BLMH: variants seen among roughly 807,000 people sequenced by gnomAD.
BLMH encodes BLM hydrolase.
Under a neutral mutation model 61.6 loss-of-function variants are expected in BLMH, and 32 were observed. That is an observed-to-expected ratio of 0.52 (90% CI 0.39 to 0.70). The LOEUF (loss-of-function observed/expected upper bound fraction) is 0.70. BLMH is among the 30% of genes least tolerant of loss of function. The pLI, the probability that BLMH is intolerant of heterozygous loss-of-function variation, is 0.00. For synonymous variants in BLMH, 183 were observed against 193.8 expected (o/e 0.94, Z 0.46); for missense variants, 460 against 555.5 (o/e 0.83, Z 1.73).
At chr17:30,273,131 G>T in intron 7 of BLMH, 14 of 421,830 alleles carry the variant, frequency 3.3e-5, no homozygotes, top group South Asian at 1.8e-4. Context: ...GCATCTACCT[G>T]TTTTTCCTAC....
At chr17:30,272,093 A>C (rs970697053) in intron 9 of BLMH, among the ~76,000 whole-genome samples, 4 of 152,366 alleles carry the variant, frequency 2.6e-5, no homozygotes, top group Admixed American at 1.3e-4. Flanking sequence ...TATATGATTT[A>C]GTTTACAAAT....
rs748141183 is a variant in BLMH, at chr17:30,272,615, C to A, written c.974G>T (p.Gly325Val). 1 of 1,614,042 alleles carries A rather than the reference C, an allele frequency of 6.2e-7. No homozygotes were observed. The highest frequency in any genetic ancestry group is 1.3e-5 in the African/African-American group (1 of 74,900). The change falls in exon 9 of 12, where the codon GGC becomes GTC. Residue 325 changes from glycine to valine, a missense_variant. Transcript: ENST00000261714. ...SIKDGEAVWF[G>V]CDVGKHFNSK... ...ATTGAAGTGTTTTCCAACATCACAG[C>A]CAAACCACACAGCCTAGAAACAGAA...
chr17:30,291,622 G>C (rs558596184), intron 1 of BLMH, 114 bp from the exon 2 acceptor site: 1 of 1,442,016 alleles, frequency 6.9e-7, no homozygotes, highest in South Asian at 1.3e-5. Flanking sequence ...CCGCTGCAGC[G>C]GGGAAACCCA....
At chr17:30,269,705 C>T (rs896203592) in intron 10 of BLMH, among the ~76,000 whole-genome samples, 7 of 152,020 alleles carry the variant, frequency 4.6e-5, no homozygotes, top group South Asian at 2.1e-4. Flanking sequence ...AGATTACTGA[C>T]GAATGGAATA....
intron 11 of BLMH, among the ~76,000 whole-genome samples, chr17:30,262,811 A>C (rs1333348330): frequency 1.3e-5 from 2 of 152,134 alleles, no homozygotes; most frequent in African/African-American, 4.8e-5. Flanking sequence ...GCAAAAACAA[A>C]ACAAAACAAA....
At chr17:30,269,122 A>G (rs1043643811) in intron 10 of BLMH, among the ~76,000 whole-genome samples, 2 of 151,514 alleles carry the variant, frequency 1.3e-5, no homozygotes, top group Non-Finnish European at 2.9e-5. Context: ...ACTTTAGTTT[A>G]GTTATAAAGC....
At chr17:30,278,975 C>G (rs1374285897) in intron 6 of BLMH, among the ~76,000 whole-genome samples, 1 of 152,178 alleles carries the variant, frequency 6.6e-6, no homozygotes, top group African/African-American at 2.4e-5. Context: ...CCACATCTAG[C>G]CCCAAGCACT....
Position 30,283,935 on chromosome 17 carries a change from G to A in BLMH, c.645+1453C>T, listed in dbSNP as rs115603988. ...GTAACATTTACAGAACTCCTGCTAC[G>A]TGCCAGGCACTATGCCTTGCATGCT... On this transcript the variant is annotated intron_variant, in intron 6 of 11. Transcript: ENST00000261714. Among the ~76,000 whole-genome samples the A allele has an allele frequency of 4.9e-3, 742 of 152,242 alleles. 8 individuals carry two copies. Among genetic ancestry groups the A allele is most frequent in the African/African-American group, 0.016 (684 of 41,552 alleles).
chr17:30,268,217 C>A (rs1908162702), intron 10 of BLMH, among the ~76,000 whole-genome samples: 1 of 152,136 alleles, frequency 6.6e-6, no homozygotes, highest in South Asian at 2.1e-4. Flanking sequence ...TTACTTGTTA[C>A]TCTAAGTCTG....
rs1453257762 is a variant in BLMH, at chr17:30,286,814, C to G, written c.552G>C (p.Lys184Asn). 1 of 1,575,658 alleles carries G rather than the reference C, an allele frequency of 6.3e-7. No individual in the cohort carries two copies. The highest frequency in any genetic ancestry group is 8.7e-7 in the Non-Finnish European group (1 of 1,146,394). Residue 184 changes from lysine to asparagine, a missense_variant and splice_region_variant, in exon 5 of 12, where the codon AAG (lysine) becomes AAC (asparagine). Physicochemically the swap from Lys to Asn is moderately conservative, Grantham distance 94. Coordinates refer to ENST00000261714, the MANE Select transcript of BLMH (RefSeq NM_000386.4). ...TCCCACCCTGCTTCATATATTGTAC[C>G]TTGTGATTCAGAATATCATTCATCC... Reference protein sequence around the residue: ...TRRMNDILNHKMREFCIRLRN... With the variant: ...TRRMNDILNHNMREFCIRLRN...
At chr17:30,276,758 C>T (rs571077544) in intron 6 of BLMH, among the ~76,000 whole-genome samples, 5 of 152,268 alleles carry the variant, frequency 3.3e-5, no homozygotes, top group East Asian at 1.9e-4. Flanking sequence ...ACTAACAATT[C>T]GTTTTTTAAA....
chr17:30,265,175 T>G (rs1908066484), intron 11 of BLMH, among the ~76,000 whole-genome samples: 1 of 152,206 alleles, frequency 6.6e-6, no homozygotes, highest in African/African-American at 2.4e-5. Flanking sequence ...CTGCTGAGTA[T>G]CACAGCATAT....
chr17:30,255,892 G>A (rs778530233), intron 11 of BLMH, among the ~76,000 whole-genome samples: 72 of 152,092 alleles, frequency 4.7e-4, no homozygotes, highest in Non-Finnish European at 8.8e-4. Flanking sequence ...GTGAGACTCC[G>A]TCTCAAAAAA....
intron 11 of BLMH, among the ~76,000 whole-genome samples, chr17:30,253,913 A>T (rs1907742638): frequency 6.6e-6 from 1 of 152,232 alleles, no homozygotes; most frequent in African/African-American, 2.4e-5. Context: ...TGTATTTTGT[A>T]ACAGAAAGGG....
Position 30,271,507 on chromosome 17 carries a change from C to G in BLMH, c.1029-119G>C, listed in dbSNP as rs1026906946. On this transcript the variant is annotated intron_variant, in intron 9 of 11. Coordinates refer to ENST00000261714, the MANE Select transcript of BLMH (RefSeq NM_000386.4). ...GCTCAACAGCTCCAAATAAATAAGG[C>G]TCTAGCTGTAGCTCTTCAGAAAGAA... is the stretch of plus-strand genomic sequence containing the variant. 11 of 707,124 alleles carry G rather than the reference C, an allele frequency of 1.6e-5. No homozygotes were observed. The Admixed American group carries it at 1.7e-4, about 11-fold the overall frequency. 43.8% of individuals were successfully genotyped at this position (707,124 alleles called of 1,614,324 possible). A position where few individuals can be genotyped will look rare whatever the true frequency, so the allele number is the denominator to read the frequency against.
intron 3 of BLMH, 93 bp downstream of exon 3, chr17:30,289,280 G>T (rs774870234): frequency 4.9e-5 from 32 of 659,594 alleles, no homozygotes; most frequent in Non-Finnish European, 7.2e-6. Context: ...TTATGAAAGG[G>T]CAGGCTATAA....
intron 6 of BLMH, among the ~76,000 whole-genome samples, chr17:30,284,745 C>T (rs1477138260): frequency 1.3e-5 from 2 of 152,214 alleles, no homozygotes; most frequent in Admixed American, 6.5e-5. Context: ...AATGTTCTGG[C>T]ATCGATCCAA....
intron 11 of BLMH, among the ~76,000 whole-genome samples, chr17:30,257,243 C>T (rs575731249): frequency 6.6e-6 from 1 of 152,222 alleles, no homozygotes; most frequent in African/African-American, 2.4e-5. Flanking sequence ...TGAAACAACC[C>T]AAGTCCCATT....
rs968433907 is a variant in BLMH, at chr17:30,248,437, C to T, written c.*580G>A. The T allele has an allele frequency of 6.6e-6, 1 of 152,168 alleles. No homozygotes were observed. Among genetic ancestry groups the T allele is most frequent in the Non-Finnish European group, 1.5e-5 (1 of 68,066 alleles). The allele number at this position is 152,168 out of a possible 1,614,324, so 9.4% of individuals were successfully genotyped here. A position where few individuals can be genotyped will look rare whatever the true frequency, so the allele number is the denominator to read the frequency against. On this transcript the variant is annotated 3_prime_UTR_variant, in exon 12 of 12. Transcript: ENST00000261714. ...CCTGACTCAAGCAGAGATGTGCACA[C>T]CCCACAGTTCAGAACAGGAAGGAAT...
Sources: allele counts gnomAD v4.1 joint callset (sites outside exome capture counted in the v4.1 genomes callset), GRCh38; gene constraint gnomAD v4.1.1; transcripts MANE v1.5; gene names NCBI Gene and HGNC (gene_info 2026-07-23, HGNC 2026-07-21).